A2M: variants seen among roughly 807,000 people sequenced by gnomAD.
The protein encoded by A2M is alpha-2-macroglobulin.
Under a neutral mutation model 183.9 loss-of-function variants are expected in A2M, and 128 were observed. That is an observed-to-expected ratio of 0.70 (90% confidence interval 0.60 to 0.81). The LOEUF (loss-of-function observed/expected upper bound fraction) is 0.81. Among genes scored for constraint, A2M ranks in the 30% least tolerant of loss-of-function variants. A2M has a pLI of 0.00. For missense variants in A2M, 1,495 were observed against 1,787.6 expected (o/e 0.84, Z 2.95); for synonymous variants, 592 against 670.8 (o/e 0.88, Z 1.81).
At chr12:9,094,193 C>T (rs764268494) in intron 17 of A2M, among the ~76,000 whole-genome samples, 1 of 151,964 alleles carries the variant, frequency 6.6e-6, no homozygotes, top group Admixed American at 6.6e-5. Flanking sequence ...AAACAGTTTA[C>T]AGGAGGGAAA....
chr12:9,109,780 G>T (rs1025100908), intron 6 of A2M, 87 bp downstream of exon 6: 1 of 1,333,030 alleles, frequency 7.5e-7, no homozygotes, highest in Non-Finnish European at 1.0e-6. Flanking sequence ...ATGGGAAATG[G>T]AAAGACTCCA....
At chr12:9,093,016 G>T (rs1011244990) in intron 18 of A2M, among the ~76,000 whole-genome samples, 2 of 152,194 alleles carry the variant, frequency 1.3e-5, no homozygotes, top group African/African-American at 4.8e-5. Flanking sequence ...GACAAGTACT[G>T]CGTGATCTTA....
chr12:9,089,556 C>G (rs928303230), intron 21 of A2M, among the ~76,000 whole-genome samples: 1 of 152,082 alleles, frequency 6.6e-6, no homozygotes, highest in African/African-American at 2.4e-5. Flanking sequence ...GCCTGGCCAA[C>G]GTGGTGAAAT....
intron 33 of A2M, 66 bp from the exon 34 acceptor site, chr12:9,068,908 G>A: frequency 8.6e-7 from 1 of 1,160,048 alleles, no homozygotes. Flanking sequence ...ATTAGTTTAA[G>A]TATTCACCTG....
At chr12:9,074,858 G>A (rs1167518060) in intron 28 of A2M, 75 bp from the exon 29 acceptor site, 2 of 1,428,644 alleles carry the variant, frequency 1.4e-6, no homozygotes, top group South Asian at 2.6e-5. Flanking sequence ...ACCCAAGCCA[G>A]TGCTGAAATG....
chr12:9,068,281 A>G (rs1592322194), intron 34 of A2M, 57 bp from the exon 35 acceptor site: 1 of 1,566,626 alleles, frequency 6.4e-7, no homozygotes, highest in East Asian at 2.2e-5. Flanking sequence ...TGAGAAAGAA[A>G]GCAAACATCT....
chr12:9,088,566 T>C (rs771561332), intron 22 of A2M, among the ~76,000 whole-genome samples: 12 of 152,266 alleles, frequency 7.9e-5, no homozygotes, highest in African/African-American at 2.6e-4. Flanking sequence ...ACTAAATTTG[T>C]AGGTAGTCAG....
Position 9,104,251 on chromosome 12 carries a change from A to G in A2M, c.1254T>C (p.Ser418=). The change falls in exon 11 of 36, where the codon TCT becomes TCC. Residue 418 remains serine, a synonymous_variant. Coordinates refer to ENST00000318602, the MANE Select transcript of A2M (RefSeq NM_000014.6). ...SINTTNVMGT[S]LTVRVNYKDR... The stretch of plus-strand genomic sequence containing the variant: ...TTTCCAAACTTACCCTAACAGTAAG[A>G]GAGGTACCCATAACATTGGTGGTGT... 6.2e-7 allele frequency: 1 copy of G among 1,612,030 alleles called. No homozygotes were observed. Among genetic ancestry groups the G allele is most frequent in the Non-Finnish European group, 8.5e-7 (1 of 1,179,148 alleles).
intron 1 of A2M, among the ~76,000 whole-genome samples, chr12:9,114,866 T>C (rs1212295749): frequency 6.6e-6 from 1 of 152,156 alleles, no homozygotes; most frequent in African/African-American, 2.4e-5. Flanking sequence ...TACTTGTATA[T>C]AACTGATCAA....
At position 9,068,213 on chromosome 12, in the gene A2M, T is replaced by C. The variant is rs1948453777; in HGVS notation, c.4378A>G (p.Ile1460Val). 3.7e-6 allele frequency: 6 copies of C among 1,609,876 alleles called. No individual in the cohort carries two copies. The highest frequency in any genetic ancestry group is 5.1e-6 in the Non-Finnish European group (6 of 1,179,422). Reference protein sequence around the residue: ...YDYYETDEFAIAEYNAPCSKD... With the variant: ...YDYYETDEFAVAEYNAPCSKD... ...CTGCAAGGAGCATTGTACTCAGCAA[T>C]TGCAAACTCATCTGAAAAAAAAAAA... Residue 1460 changes from isoleucine to valine, a missense_variant, in exon 35 of 36, where the codon ATT becomes GTT. By Grantham distance (29) the Ile-to-Val change is conservative (BLOSUM62 3). Coordinates refer to ENST00000318602, the MANE Select transcript of A2M (RefSeq NM_000014.6).
chr12:9,094,503 T>C (rs1949315639), intron 17 of A2M, among the ~76,000 whole-genome samples: 1 of 151,884 alleles, frequency 6.6e-6, no homozygotes, highest in African/African-American at 2.4e-5. Context: ...CCTTAAATGC[T>C]TTCCTTGATT....
At chr12:9,097,030 T>A (rs1378323466) in intron 15 of A2M, among the ~76,000 whole-genome samples, 2 of 152,232 alleles carry the variant, frequency 1.3e-5, no homozygotes, top group African/African-American at 4.8e-5. Flanking sequence ...GGTCTACTAC[T>A]AAATCCCTGA....
intron 29 of A2M, among the ~76,000 whole-genome samples, chr12:9,074,087 T>TAAAA (rs3080599): frequency 7.6e-6 from 1 of 131,588 alleles, no homozygotes; most frequent in Non-Finnish European, 1.6e-5. Context: ...GACTCTGTCT[T>TAAAA]AAAAAAAAAA....
At chr12:9,073,913 C>G (rs1388144014) in intron 29 of A2M, among the ~76,000 whole-genome samples, 2 of 151,978 alleles carry the variant, frequency 1.3e-5, no homozygotes, top group Non-Finnish European at 2.9e-5. Context: ...CATGGCAAAA[C>G]CTCGTCTCTA....
In A2M at chr12:9,095,618, C is replaced by T. The variant is rs200062192; in HGVS notation, c.1934G>A (p.Arg645His). The change falls in exon 16 of 36, where the codon CGT becomes CAT. Residue 645 changes from arginine (R) to histidine (H), a missense_variant. By Grantham distance (29) the Arg-to-His change is conservative. Coordinates refer to ENST00000318602, the MANE Select transcript of A2M (RefSeq NM_000014.6). ...NDQDNEDCIN[R>H]HNVYINGITY... The stretch of plus-strand genomic sequence containing the variant: ...GATTCCATTAATATAGACATTATGA[C>T]GATTGATGCAGTCTTCATTGTCCTG... 1.1e-4 allele frequency: 176 copies of T among 1,611,186 alleles called. 1 individual carries two copies. The highest frequency in any genetic ancestry group is 6.7e-5 in the Admixed American group (4 of 59,976).
chr12:9,078,679 A>G (rs1948819359), intron 25 of A2M, among the ~76,000 whole-genome samples: 1 of 152,216 alleles, frequency 6.6e-6, no homozygotes, highest in Non-Finnish European at 1.5e-5. Context: ...TATTTTTGTT[A>G]GTTACTTGAG....
At chr12:9,082,754 C>T (rs1433663354) in intron 22 of A2M, among the ~76,000 whole-genome samples, 1 of 152,140 alleles carries the variant, frequency 6.6e-6, no homozygotes, top group Non-Finnish European at 1.5e-5. Context: ...GAATAATCCT[C>T]TTGAAGAAAT....
rs1323513506 is a variant in A2M, at chr12:9,091,411, C to T, written c.2259G>A (p.Glu753=). Residue 753 remains glutamate, a synonymous_variant, in exon 19 of 36, where the codon GAG becomes GAA. Transcript: ENST00000318602. ...LVVVNSAGVA[E]VGVTVPDTIT... is the part of the protein sequence containing the mutation. Reference sequence around the variant, plus strand: ...TGGTGTCAGGGACTGTTACTCCTACCTCAGCCACACCTGCTGAGCTGGAGA... The same window carrying T: ...TGGTGTCAGGGACTGTTACTCCTACTTCAGCCACACCTGCTGAGCTGGAGA... The T allele has an allele frequency of 1.2e-6, 2 of 1,614,040 alleles. No individual in the cohort carries two copies. Among genetic ancestry groups the T allele is most frequent in the African/African-American group, 2.7e-5 (2 of 74,904 alleles).
At chr12:9,099,610 T>C (rs1381499670) in intron 13 of A2M, 87 bp from the exon 14 acceptor site, 1 of 1,430,656 alleles carries the variant, frequency 7.0e-7, no homozygotes, top group Admixed American at 2.5e-5. Flanking sequence ...AAACAGTAGA[T>C]GTAACAAATG....
Sources: gnomAD v4.1 joint callset for allele counts (sites outside exome capture counted in the v4.1 genomes callset) on GRCh38, gnomAD v4.1.1 for gene constraint, MANE v1.5 for transcripts, NCBI Gene and HGNC (gene_info 2026-07-23, HGNC 2026-07-21) for gene names.